CDH12: variants seen among roughly 807,000 people sequenced by gnomAD.
CDH12 encodes the protein cadherin-12.
Under a neutral mutation model 74.1 loss-of-function variants are expected in CDH12, and 41 were observed. The ratio of observed to expected loss-of-function variants is 0.55; its 90% CI spans 0.43 to 0.72. CDH12 has a LOEUF of 0.72. Ranked by LOEUF, CDH12 falls within the 30% of genes least tolerant of loss-of-function variation. The pLI is 0.00. For missense variants in CDH12, 945 were observed against 977.2 expected, an observed-to-expected ratio of 0.97 and a Z score of 0.44; for synonymous variants, 399 against 355.0, an observed-to-expected ratio of 1.12 and a Z score of -1.39.
intron 2 of CDH12, among the ~76,000 whole-genome samples, chr5:22,435,936 C>T (rs1446756921): frequency 6.6e-6 from 1 of 151,766 alleles, no homozygotes; most frequent in Admixed American, 6.6e-5. Context: ...TTTCCCCCCA[C>T]CCATCATGGT....
intron 1 of CDH12, among the ~76,000 whole-genome samples, chr5:22,711,884 G>A (rs999827459): frequency 2.0e-5 from 3 of 152,034 alleles, no homozygotes; most frequent in Non-Finnish European, 4.4e-5. Context: ...ACAAAATCAA[G>A]TTCATAATGT....
intron 5 of CDH12, among the ~76,000 whole-genome samples, chr5:22,026,068 C>G (rs552026118): frequency 3.2e-4 from 49 of 152,202 alleles, no homozygotes; most frequent in African/African-American, 1.1e-3. Context: ...GGTATTTTGA[C>G]CACCTCCCAC....
intron 1 of CDH12, among the ~76,000 whole-genome samples, chr5:22,666,434 C>T (rs1011140495): frequency 2.0e-5 from 3 of 151,374 alleles, no homozygotes; most frequent in Admixed American, 6.6e-5. Context: ...GGACTACAGG[C>T]GCCCGCCACT....
chr5:22,561,561 G>A (rs1466115804), intron 1 of CDH12, among the ~76,000 whole-genome samples: 1 of 151,892 alleles, frequency 6.6e-6, no homozygotes, highest in East Asian at 1.9e-4. Flanking sequence ...TCTTTGGCCT[G>A]GTGGGGATTT....
chr5:22,850,259 TCA>T (rs1210640379), intron 1 of CDH12, among the ~76,000 whole-genome samples: 2 of 151,962 alleles, frequency 1.3e-5, no homozygotes, highest in African/African-American at 2.4e-5. Flanking sequence ...TAGTACACAT[TCA>T]CACACACACA....
chr5:22,456,133 AT>A (rs1745261329), intron 2 of CDH12, among the ~76,000 whole-genome samples: 2 of 150,488 alleles, frequency 1.3e-5, no homozygotes, highest in South Asian at 2.1e-4. Context: ...ATATATATAT[AT>A]AAAACGATCT....
At position 22,251,700 on chromosome 5, in the gene CDH12, T is replaced by G. The variant is rs116434377; in HGVS notation, c.-332-39057A>C. ...ATCTTATTAAATAGAAGAAAATAAT[T>G]ATATCCAGTCCTAAGTGCTCTGAAC... On this transcript the variant is annotated intron_variant, in intron 3 of 14. Transcript: ENST00000382254. Among the ~76,000 whole-genome samples, 239 of 152,240 alleles carry G rather than the reference T, an allele frequency of 1.6e-3. 2 individuals are homozygous for G. Among genetic ancestry groups the G allele is most frequent in the African/African-American group, 5.4e-3 (223 of 41,576 alleles).
chr5:22,195,434 A>C lies in CDH12; in HGVS notation c.-187+17064T>G, dbSNP rs1350004947. Among the ~76,000 whole-genome samples the C allele has an allele frequency of 2.6e-5, 4 of 152,342 alleles. No individual in the cohort carries two copies. In the East Asian group the frequency reaches 7.7e-4, roughly 29 times the overall value. ...GTGGTAGACTCAGATTGAAATGTCA[A>C]TGTGTTGAATTGTAAATGCCATTCT... On this transcript the variant is annotated intron_variant, in intron 4 of 14. Coordinates refer to ENST00000382254, the MANE Select transcript of CDH12 (RefSeq NM_004061.5).
rs547152484 is a variant in CDH12, at chr5:22,000,041, C to T, written c.232-24656G>A. On this transcript the variant is annotated intron_variant, in intron 5 of 14. Coordinates refer to ENST00000382254, the MANE Select transcript of CDH12 (RefSeq NM_004061.5). ...TTCTTTTTCCCATGGTTGTTTGAGC[C>T]GATCTGCTCATTTGCTGTTATTAAT... Among the ~76,000 whole-genome samples, 1,135 of 151,978 alleles carry T rather than the reference C, an allele frequency of 7.5e-3. 13 individuals carry two copies. Among genetic ancestry groups the T allele is most frequent in the African/African-American group, 0.026 (1,062 of 41,430 alleles).
chr5:22,240,463 T>C (rs527303835), intron 3 of CDH12, among the ~76,000 whole-genome samples: 1 of 152,274 alleles, frequency 6.6e-6, no homozygotes, highest in Admixed American at 6.5e-5. Flanking sequence ...TTCCACAAGA[T>C]TGCTGAAGAA....
chr5:22,584,526 A>C (rs149986571), intron 1 of CDH12, among the ~76,000 whole-genome samples: 25 of 152,332 alleles, frequency 1.6e-4, no homozygotes, highest in Admixed American at 3.9e-4. Context: ...ACTATGGATT[A>C]GCATTTGAGT....
intron 2 of CDH12, among the ~76,000 whole-genome samples, chr5:22,464,888 G>C (rs1745662231): frequency 6.6e-6 from 1 of 151,990 alleles, no homozygotes; most frequent in Non-Finnish European, 1.5e-5. Flanking sequence ...TGTAATCCCA[G>C]CTACTTTGGT....
chr5:21,775,843 C>T (rs1243745038), intron 11 of CDH12, among the ~76,000 whole-genome samples: 1 of 152,020 alleles, frequency 6.6e-6, no homozygotes, highest in East Asian at 1.9e-4. Context: ...TGCCTAGAGG[C>T]CAACAAATAT....
intron 5 of CDH12, among the ~76,000 whole-genome samples, chr5:22,047,428 T>C (rs1740030548): frequency 6.6e-6 from 1 of 152,170 alleles, no homozygotes; most frequent in Non-Finnish European, 1.5e-5. Flanking sequence ...TAATGACAAC[T>C]TATTTGGGAA....
intron 3 of CDH12, among the ~76,000 whole-genome samples, chr5:22,357,310 TC>T (rs1740605915): frequency 6.6e-6 from 1 of 152,162 alleles, no homozygotes; most frequent in South Asian, 2.1e-4. Context: ...TATGTCTGTT[TC>T]TATCCAGGTA....
At chr5:22,022,220 A>G (rs1198696363) in intron 5 of CDH12, among the ~76,000 whole-genome samples, 1 of 152,126 alleles carries the variant, frequency 6.6e-6, no homozygotes, top group East Asian at 1.9e-4. Context: ...GTTGAATTGT[A>G]ATTCCCAGTG....
At chr5:22,013,666 C>T (rs1394429470) in intron 5 of CDH12, among the ~76,000 whole-genome samples, 3 of 151,996 alleles carry the variant, frequency 2.0e-5, no homozygotes, top group Non-Finnish European at 4.4e-5. Flanking sequence ...AGATTAAGTT[C>T]CCATTTCTTA....
intron 1 of CDH12, among the ~76,000 whole-genome samples, chr5:22,642,956 A>G (rs759641967): frequency 6.6e-6 from 1 of 152,144 alleles, no homozygotes; most frequent in South Asian, 2.1e-4. Context: ...TGGGGTTCTC[A>G]TTGGAATTTA....
At chr5:22,625,452 G>C (rs1008013233) in intron 1 of CDH12, among the ~76,000 whole-genome samples, 6 of 152,226 alleles carry the variant, frequency 3.9e-5, no homozygotes, top group African/African-American at 9.6e-5. Flanking sequence ...TAAGCTAGCA[G>C]GAAGAGTTGG....
Sources: allele counts gnomAD v4.1 joint callset (sites outside exome capture counted in the v4.1 genomes callset), GRCh38; gene constraint gnomAD v4.1.1; transcripts MANE v1.5; gene names NCBI Gene and HGNC (gene_info 2026-07-23, HGNC 2026-07-21).